Variants in INO80D observed in about 807,000 individuals in gnomAD.
INO80D encodes the protein INO80 complex subunit D.
Under a neutral mutation model 87.6 loss-of-function variants are expected in INO80D, and 21 were observed. The observed-to-expected ratio is 0.24, with a 90% CI of 0.17 to 0.35. The LOEUF (loss-of-function observed/expected upper bound fraction) is 0.35, where lower values mean the gene tolerates loss of function less well. INO80D is among the 10% of genes least tolerant of loss of function. The pLI is 1.00. For synonymous variants in INO80D, 440 were observed against 491.0 expected (o/e 0.90, Z 1.37); for missense variants, 982 against 1,280.7 (o/e 0.77, Z 3.56).
chr2:206,025,542 A>AAATATATATAT (rs71301548), intron 6 of INO80D: 7 of 76,944 alleles, frequency 9.1e-5, no homozygotes, highest in South Asian at 6.5e-4. Flanking sequence ...AAAAAAAAAA[A>AAATATATATAT]ATATATATAT....
intron 8 of INO80D, among the ~76,000 whole-genome samples, chr2:206,016,722 G>C (rs1267156591): frequency 6.6e-6 from 1 of 152,126 alleles, no homozygotes; most frequent in African/African-American, 2.4e-5. Flanking sequence ...CTGAATTATG[G>C]GGCAGGTCTT....
chr2:206,021,497 T>C lies in INO80D; in HGVS notation c.1299-1652A>G, dbSNP rs538319908. Among the ~76,000 whole-genome samples the C allele has an allele frequency of 3.3e-4, 50 of 152,338 alleles. No homozygotes were observed. In the South Asian group the frequency reaches 9.7e-3, roughly 30 times the overall value. On this transcript the variant is annotated intron_variant, in intron 6 of 10. Coordinates refer to ENST00000403263, the MANE Select transcript of INO80D (RefSeq NM_017759.5). The stretch of plus-strand genomic sequence containing the variant: ...CTTTAAAAAATTGTTTACATTAAAT[T>C]TAGCCCTATAAAAGGAATATATAAT...
intron 5 of INO80D, chr2:206,040,795 A>C: frequency 4.4e-6 from 1 of 227,036 alleles, no homozygotes; most frequent in South Asian, 5.2e-5. Flanking sequence ...GCTCAAAGAG[A>C]GATACAAAAC....
chr2:206,072,570 G>A (rs964111401), intron 1 of INO80D, among the ~76,000 whole-genome samples: 81 of 151,830 alleles, frequency 5.3e-4, no homozygotes, highest in African/African-American at 1.9e-3. Flanking sequence ...GAGCCACCGC[G>A]CCTGCCGTAA....
At chr2:206,015,795 A>G (rs763633684) in intron 8 of INO80D, among the ~76,000 whole-genome samples, 2 of 152,154 alleles carry the variant, frequency 1.3e-5, no homozygotes, top group Non-Finnish European at 2.9e-5. Flanking sequence ...GCTGAGGCAC[A>G]AGAATTGCTT....
chr2:206,023,709 A>C (rs989609665), intron 6 of INO80D, among the ~76,000 whole-genome samples: 3 of 151,408 alleles, frequency 2.0e-5, no homozygotes, highest in East Asian at 1.9e-4. Flanking sequence ...AAAAGTTGCC[A>C]ATCACCAAAG....
chr2:206,060,023 G>C (rs1355577959), intron 3 of INO80D, among the ~76,000 whole-genome samples: 1 of 152,086 alleles, frequency 6.6e-6, no homozygotes, highest in East Asian at 1.9e-4. Context: ...GGGCAACCTA[G>C]TAAGGATCCA....
chr2:206,084,266 CA>C (rs1293150306), intron 1 of INO80D, among the ~76,000 whole-genome samples: 2,005 of 147,400 alleles, frequency 0.014, 19 homozygotes, highest in Non-Finnish European at 0.021. Context: ...CACACACACA[CA>C]CACACACCCC....
intron 9 of INO80D, among the ~76,000 whole-genome samples, chr2:206,009,170 C>T (rs973782011): frequency 6.6e-6 from 1 of 152,048 alleles, no homozygotes; most frequent in African/African-American, 2.4e-5. Flanking sequence ...ATCAGCTGGG[C>T]GTGATGGCAC....
chr2:206,039,542 T>C (rs1688981439), intron 5 of INO80D, among the ~76,000 whole-genome samples: 1 of 152,146 alleles, frequency 6.6e-6, no homozygotes, highest in Non-Finnish European at 1.5e-5. Flanking sequence ...CTGGGTGCAG[T>C]GGCTCACGCC....
chr2:206,059,059 A>G (rs1689609204), intron 3 of INO80D, among the ~76,000 whole-genome samples: 1 of 148,868 alleles, frequency 6.7e-6, no homozygotes, highest in Admixed American at 6.7e-5. Context: ...ACCCTGTCTC[A>G]GTTAAAAAAA....
chr2:206,007,371 G>A lies in INO80D; in HGVS notation c.1831C>T (p.Pro611Ser). 2.5e-6 allele frequency: 4 copies of A among 1,613,802 alleles called. No homozygotes were observed. The highest frequency in any genetic ancestry group is 2.7e-5 in the African/African-American group (2 of 75,040). Reference protein sequence around the residue: ...DDIANEITDIPHDLELNQEDF... With the variant: ...DDIANEITDISHDLELNQEDF... ...TCCTGGTTCAATTCCAAGTCATGTG[G>A]AATGTCAGTGATCTCATTGGCAATG... The change falls in exon 10 of 11, where the codon CCA (proline) becomes TCA (serine). Residue 611 changes from proline to serine, a missense_variant. Physicochemically the swap from Pro to Ser is moderately conservative, Grantham distance 74. Transcript: ENST00000403263.
At chr2:206,046,699 C>G (rs1689204862) in intron 4 of INO80D, 87 bp from the exon 5 acceptor site, 1 of 780,548 alleles carries the variant, frequency 1.3e-6, no homozygotes, top group African/African-American at 1.7e-5. Context: ...ATAACATAAC[C>G]CAACATACCT....
chr2:206,001,551 T>A lies in INO80D; in HGVS notation c.*2817A>T, dbSNP rs1687908249. The A allele has an allele frequency of 6.6e-6, 1 of 152,234 alleles. No individual in the cohort carries two copies. The highest frequency in any genetic ancestry group is 2.1e-4 in the South Asian group (1 of 4,832). 9.4% of individuals were successfully genotyped at this position (152,234 alleles called of 1,614,324 possible). On this transcript the variant is annotated 3_prime_UTR_variant, in exon 11 of 11. Coordinates refer to ENST00000403263, the MANE Select transcript of INO80D (RefSeq NM_017759.5). ...CTATTTTAAAAGATACTAATTTTCATATTTCTGGAGTAAAAGCCACTTCAT... is the reference window on the plus strand; with the variant it reads ...CTATTTTAAAAGATACTAATTTTCAAATTTCTGGAGTAAAAGCCACTTCAT...
At chr2:206,006,254 T>A (rs1688021030) in intron 10 of INO80D, among the ~76,000 whole-genome samples, 1 of 152,218 alleles carries the variant, frequency 6.6e-6, no homozygotes, top group African/African-American at 2.4e-5. Context: ...GAAAGAAACA[T>A]TCTAAAAGTA....
At chr2:206,081,974 G>A (rs913494409) in intron 1 of INO80D, among the ~76,000 whole-genome samples, 1 of 152,112 alleles carries the variant, frequency 6.6e-6, no homozygotes, top group African/African-American at 2.4e-5. Context: ...CAGTCTAAAG[G>A]TGTCACTGCA....
intron 6 of INO80D, among the ~76,000 whole-genome samples, chr2:206,020,768 C>T (rs926499016): frequency 2.0e-5 from 3 of 152,022 alleles, no homozygotes; most frequent in Admixed American, 6.6e-5. Context: ...TGCCAGCCCC[C>T]ACTCCCTCTA....
rs182218527 is a variant in INO80D, at chr2:206,049,479, A to G, written c.965-2867T>C. On this transcript the variant is annotated intron_variant, in intron 4 of 10. Transcript: ENST00000403263. ...TATCTTTTATTTGTTTCAATAGAAT[A>G]ATTTCTCCTAAGACACCTCTGAGGT... Among the ~76,000 whole-genome samples the G allele has an allele frequency of 3.9e-3, 594 of 152,280 alleles. 2 individuals carry two copies. The highest frequency in any genetic ancestry group is 7.8e-3 in the Admixed American group (119 of 15,300).
intron 10 of INO80D, among the ~76,000 whole-genome samples, chr2:206,006,509 C>A (rs1688028769): frequency 6.6e-6 from 1 of 151,430 alleles, no homozygotes; most frequent in African/African-American, 2.4e-5. Flanking sequence ...ATGGTGAAAC[C>A]CCGCCTCTAC....
Sources: gnomAD v4.1 joint callset for allele counts (sites outside exome capture counted in the v4.1 genomes callset) on GRCh38, gnomAD v4.1.1 for gene constraint, MANE v1.5 for transcripts, NCBI Gene and HGNC (gene_info 2026-07-23, HGNC 2026-07-21) for gene names.